Variants in INSC observed in about 807,000 individuals in gnomAD.
INSC encodes the protein INSC spindle orientation adaptor protein, also known as protein inscuteable homolog.
In INSC, 67 loss-of-function variants were observed where a neutral mutation model predicts 58.6. The observed-to-expected ratio is 1.14, with a 90% CI of 0.94 to 1.40. The LOEUF is 1.40. INSC is among the 40% of genes most tolerant of loss of function. The pLI is 0.00. For synonymous variants in INSC, 262 were observed against 276.1 expected, an observed-to-expected ratio of 0.95 and a Z score of 0.51; for missense variants, 714 against 692.0, an observed-to-expected ratio of 1.03 and a Z score of -0.36.
intron 1 of INSC, among the ~76,000 whole-genome samples, chr11:15,146,571 C>T (rs984272804): frequency 6.6e-6 from 1 of 152,216 alleles, no homozygotes; most frequent in Non-Finnish European, 1.5e-5. Context: ...GATGGCACCT[C>T]ACTGGGGTGC....
chr11:15,164,583 C>T (rs1470411771), intron 2 of INSC, among the ~76,000 whole-genome samples: 1 of 152,174 alleles, frequency 6.6e-6, no homozygotes, highest in Non-Finnish European at 1.5e-5. Context: ...GGCAAATCTC[C>T]TTCTAGTTTC....
chr11:15,231,585 ATTTCAGAG>A (rs1052616037), intron 9 of INSC, among the ~76,000 whole-genome samples: 4 of 152,198 alleles, frequency 2.6e-5, no homozygotes, highest in Admixed American at 2.6e-4. Context: ...GTTGCTGCAA[ATTTCAGAG>A]TTAACACGGT....
chr11:15,268,841 G>C, the INSC span, among the ~76,000 whole-genome samples: 3 of 152,128 alleles, frequency 2.0e-5, no homozygotes, highest in East Asian at 5.8e-4. Context: ...AAAGGCTGAA[G>C]TTTCATAAGA....
the INSC span, among the ~76,000 whole-genome samples, chr11:15,268,248 G>T: frequency 6.6e-6 from 1 of 152,002 alleles, no homozygotes; most frequent in African/African-American, 2.4e-5. Flanking sequence ...TCTAGTCCCT[G>T]TTACTACATC....
chr11:15,114,134 G>T (rs1047831220), upstream of INSC, among the ~76,000 whole-genome samples: 2 of 151,420 alleles, frequency 1.3e-5, no homozygotes, highest in Non-Finnish European at 2.9e-5. Flanking sequence ...GGGGGAGGGG[G>T]AGTTGTATGA....
chr11:15,182,012 T>C (rs1179570279), intron 5 of INSC, among the ~76,000 whole-genome samples: 7 of 152,094 alleles, frequency 4.6e-5, no homozygotes, highest in Non-Finnish European at 7.4e-5. Context: ...GTGTGGGGAG[T>C]TGGGTTTCCT....
intron 2 of INSC, among the ~76,000 whole-genome samples, chr11:15,171,807 C>A (rs1849409828): frequency 6.6e-6 from 1 of 152,234 alleles, no homozygotes; most frequent in African/African-American, 2.4e-5. Context: ...ACTGAAGTTG[C>A]CATTGTTAAC....
chr11:15,248,329 A>T (rs1195384928), downstream of INSC, among the ~76,000 whole-genome samples: 6 of 152,222 alleles, frequency 3.9e-5, no homozygotes, highest in African/African-American at 1.4e-4. Flanking sequence ...CACTGCCTTG[A>T]TCATATTAAG....
At chr11:15,137,367 C>T (rs1370881079) in intron 1 of INSC, among the ~76,000 whole-genome samples, 1 of 152,158 alleles carries the variant, frequency 6.6e-6, no homozygotes, top group Admixed American at 6.5e-5. Flanking sequence ...TCAGCCTGCC[C>T]TTTGAAACTT....
intron 9 of INSC, among the ~76,000 whole-genome samples, chr11:15,229,960 T>A (rs11823128): frequency 0.14 from 3,380 of 23,750 alleles, 212 homozygotes; most frequent in South Asian, 0.2. Flanking sequence ...ATATATATAT[T>A]TATATATATA....
intron 6 of INSC, among the ~76,000 whole-genome samples, chr11:15,193,826 C>T (rs967876470): frequency 6.6e-6 from 1 of 152,262 alleles, no homozygotes; most frequent in Middle Eastern, 3.4e-3. Flanking sequence ...ATGGCTGGGT[C>T]AAATGGTATT....
At chr11:15,178,983 A>T (rs1849670600) in intron 5 of INSC, among the ~76,000 whole-genome samples, 1 of 152,214 alleles carries the variant, frequency 6.6e-6, no homozygotes, top group African/African-American at 2.4e-5. Context: ...AGAAATCCTG[A>T]CAACAGAGAA....
intron 7 of INSC, among the ~76,000 whole-genome samples, chr11:15,210,039 T>C (rs928970542): frequency 6.6e-6 from 1 of 152,198 alleles, no homozygotes; most frequent in Non-Finnish European, 1.5e-5. Context: ...TTCTTAGGTC[T>C]CAAAGAGACT....
upstream of INSC, chr11:15,112,591 AGTGTGT>A (rs375142839): frequency 0.052 from 18,922 of 365,994 alleles, 807 homozygotes; most frequent in African/African-American, 0.15. Context: ...GGTGGATGTG[AGTGTGT>A]GTGTGTGTGT....
chr11:15,239,060 C>G lies in INSC; in HGVS notation c.1379C>G (p.Ala460Gly), dbSNP rs994760585. Residue 460 changes from alanine to glycine, a missense_variant, in exon 11 of 13, where the codon GCC becomes GGC. Physicochemically the swap from Ala to Gly is moderately conservative, Grantham distance 60. Coordinates refer to ENST00000379556, the MANE Select transcript of INSC (RefSeq NM_001042536.3). ...LSRDPDVARE[A>G]VRLSCMSRLI... ...CGAGACCCAGATGTGGCACGGGAGG[C>G]CGTGCGGCTCAGCTGTGAGTGGTGC... The G allele has an allele frequency of 2.5e-6, 4 of 1,613,004 alleles. No homozygotes were observed. The highest frequency in any genetic ancestry group is 2.5e-6 in the Non-Finnish European group (3 of 1,179,678).
intron 9 of INSC, among the ~76,000 whole-genome samples, chr11:15,228,586 G>T (rs965258939): frequency 6.6e-6 from 1 of 152,218 alleles, no homozygotes; most frequent in African/African-American, 2.4e-5. Flanking sequence ...AGGGCTCTCT[G>T]TAATGAAGAC....
chr11:15,139,654 C>G (rs2133722972), intron 1 of INSC, among the ~76,000 whole-genome samples: 1 of 152,290 alleles, frequency 6.6e-6, no homozygotes, highest in Non-Finnish European at 1.5e-5. Flanking sequence ...TTATTTTATC[C>G]TTATTATAGA....
At chr11:15,122,299 T>C (rs933545451) in intron 1 of INSC, among the ~76,000 whole-genome samples, 3 of 152,092 alleles carry the variant, frequency 2.0e-5, no homozygotes, top group Admixed American at 1.3e-4. Context: ...ATGAGGTGGG[T>C]GAATGGATTG....
At chr11:15,157,776 T>A (rs1304414228) in intron 2 of INSC, among the ~76,000 whole-genome samples, 1 of 152,126 alleles carries the variant, frequency 6.6e-6, no homozygotes, top group African/African-American at 2.4e-5. Flanking sequence ...TGGTATTAGA[T>A]GGGCTTGTGG....
Sources: allele counts gnomAD v4.1 joint callset (sites outside exome capture counted in the v4.1 genomes callset), GRCh38; gene constraint gnomAD v4.1.1; transcripts MANE v1.5; gene names NCBI Gene and HGNC (gene_info 2026-07-23, HGNC 2026-07-21).